Variants in TMED7 observed in about 807,000 individuals in gnomAD.
The protein encoded by TMED7 is transmembrane p24 trafficking protein 7.
In TMED7, 8 loss-of-function variants were observed where a neutral mutation model predicts 23.4. The observed-to-expected ratio is 0.34, with a 90% confidence interval of 0.20 to 0.62. The LOEUF (loss-of-function observed/expected upper bound fraction) is 0.62. Ranked by LOEUF, TMED7 falls within the 20% of genes least tolerant of loss-of-function variation. The probability of loss-of-function intolerance (pLI) is 0.77; values close to 1 mark genes in which losing one functional copy is unlikely to be tolerated. For synonymous variants in TMED7, 121 were observed against 108.5 expected (o/e 1.12, Z -0.72); for missense variants, 232 against 279.1 (o/e 0.83, Z 1.20).
At chr5:115,621,702 C>T (rs1173547925) in intron 1 of TMED7, among the ~76,000 whole-genome samples, 1 of 152,252 alleles carries the variant, frequency 6.6e-6, no homozygotes, top group Middle Eastern at 3.4e-3. Context: ...AAGAGAAAGG[C>T]TTCCTTACAT....
At chr5:115,622,729 G>A (rs1757074005) in intron 1 of TMED7, among the ~76,000 whole-genome samples, 2 of 152,142 alleles carry the variant, frequency 1.3e-5, no homozygotes, top group African/African-American at 2.4e-5. Context: ...CCTGTGGCCT[G>A]CAGACAAATC....
chr5:115,618,414 T>G (rs1277459073), intron 2 of TMED7, among the ~76,000 whole-genome samples: 2 of 152,214 alleles, frequency 1.3e-5, no homozygotes, highest in African/African-American at 4.8e-5. Flanking sequence ...TCAAAGTTGG[T>G]TTTCAAGTAA....
rs1757116487 is a variant in TMED7 at position 115,623,880 on chromosome 5, T to C, written c.192+1721A>G. Among the ~76,000 whole-genome samples the C allele has an allele frequency of 3.9e-5, 6 of 152,354 alleles. No homozygotes were observed. The South Asian group carries it at 8.3e-4, about 21-fold the overall frequency. On this transcript the variant is annotated intron_variant, in intron 1 of 2. Coordinates refer to ENST00000456936, the MANE Select transcript of TMED7 (RefSeq NM_181836.6). ...GCTCTCTGAGATCAAAGTCAGTCTC[T>C]GGGAGGTAGTATAATAAAGTGGTTA... is the stretch of plus-strand genomic sequence containing the variant.
chr5:115,623,223 T>C (rs932051256), intron 1 of TMED7, among the ~76,000 whole-genome samples: 1 of 152,198 alleles, frequency 6.6e-6, no homozygotes, highest in Admixed American at 6.5e-5. Context: ...GCCAGACATA[T>C]ACTCTCTCAG....
In TMED7 at chr5:115,613,413, A is replaced by G. The variant is rs1756547955; in HGVS notation, c.*2796T>C. 6.6e-6 allele frequency: 1 copy of G among 152,164 alleles called. No homozygotes were observed. The highest frequency in any genetic ancestry group is 2.4e-5 in the African/African-American group (1 of 41,450). The allele number at this position is 152,164 out of a possible 1,614,324, so 9.4% of individuals were successfully genotyped here. A position where few individuals can be genotyped will look rare whatever the true frequency, so the allele number is the denominator to read the frequency against. On this transcript the variant is annotated 3_prime_UTR_variant, in exon 3 of 3. Transcript: ENST00000456936. ...ATTTTAATAAAATACCAAATAAATA[A>G]TCACTCTCATTACAGAACTGTACTC... is the stretch of plus-strand genomic sequence containing the variant.
chr5:115,625,547 C>T (rs1268415282), intron 1 of TMED7, 54 bp downstream of exon 1: 3 of 1,460,170 alleles, frequency 2.1e-6, no homozygotes, highest in South Asian at 2.9e-5. Flanking sequence ...TCAAGTTACA[C>T]CCCCAATCCT....
intron 2 of TMED7, chr5:115,619,051 T>C (rs1184337772): frequency 1.3e-5 from 2 of 152,058 alleles, no homozygotes; most frequent in Non-Finnish European, 2.9e-5. Flanking sequence ...AAAATAAGAC[T>C]GAGAAAAATA....
At chr5:115,619,913 A>G (rs1411220837) in intron 2 of TMED7, among the ~76,000 whole-genome samples, 5 of 152,168 alleles carry the variant, frequency 3.3e-5, no homozygotes, top group Non-Finnish European at 7.4e-5. Flanking sequence ...TTTTGTAACT[A>G]TTTTTGTGAG....
At chr5:115,623,144 C>T (rs61268733) in intron 1 of TMED7, among the ~76,000 whole-genome samples, 8,009 of 152,258 alleles carry the variant, frequency 0.053, 649 homozygotes, top group African/African-American at 0.18. Flanking sequence ...CAGCCAAAGG[C>T]TGCCTCACAG....
At chr5:115,621,479 C>A (rs1445836425) in intron 1 of TMED7, among the ~76,000 whole-genome samples, 2 of 152,110 alleles carry the variant, frequency 1.3e-5, no homozygotes, top group East Asian at 3.8e-4. Context: ...GACAACAAGT[C>A]TGTTTATCTA....
rs1371309807 is a variant in TMED7 at position 115,614,647 on chromosome 5, A to ATGT, written c.*1559_*1561dup. 2 of 152,178 alleles carry ATGT rather than the reference A, an allele frequency of 1.3e-5. 1 individual carries two copies. The highest frequency in any genetic ancestry group is 3.8e-4 in the East Asian group (2 of 5,200). 9.4% of individuals were successfully genotyped at this position (152,178 alleles called of 1,614,324 possible). On this transcript the variant is annotated 3_prime_UTR_variant, in exon 3 of 3. Transcript: ENST00000456936. ...CGTAAAAAGTTAAAGGGTTGAAAAC[A>ATGT]TGTTCACCCTTTGCTATACGGTGGC... is the stretch of plus-strand genomic sequence containing the variant.
rs374391342 is a variant in TMED7 at position 115,625,751 on chromosome 5, C to G, written c.42G>C (p.Ala14=). The G allele has an allele frequency of 1.3e-6, 2 of 1,541,898 alleles. No homozygotes were observed. The highest frequency in any genetic ancestry group is 2.8e-5 in the African/African-American group (2 of 70,566). ...CGAGCAGCCTGCACCCCCAACGGCC[C>G]GCGACGGCCGCCCAGCGCTGCGCGG... The part of the protein sequence containing the change: ...PGSAQRWAAV[A]GRWGCRLLAL... Residue 14 remains alanine, a synonymous_variant, in exon 1 of 3, where the codon GCG becomes GCC. Transcript: ENST00000456936.
chr5:115,617,517 C>T (rs1756820770), intron 2 of TMED7, among the ~76,000 whole-genome samples: 1 of 148,896 alleles, frequency 6.7e-6, no homozygotes, highest in Non-Finnish European at 1.5e-5. Context: ...TTGTTCAGGC[C>T]CCTAGGAATG....
chr5:115,622,061 A>G (rs1365039616), intron 1 of TMED7, among the ~76,000 whole-genome samples: 4 of 152,340 alleles, frequency 2.6e-5, no homozygotes, highest in South Asian at 4.1e-4. Flanking sequence ...TGTCTTATCA[A>G]TTGGGGATTT....
chr5:115,618,178 T>C (rs890906733), intron 2 of TMED7, among the ~76,000 whole-genome samples: 1 of 152,214 alleles, frequency 6.6e-6, no homozygotes, highest in African/African-American at 2.4e-5. Context: ...ACCCCCACCA[T>C]GTCAACAAAG....
chr5:115,619,236 G>A (rs1245940614), intron 2 of TMED7: 1 of 152,076 alleles, frequency 6.6e-6, no homozygotes, highest in Non-Finnish European at 1.5e-5. Flanking sequence ...TACAAAGCAA[G>A]GTGTCCTTCA....
chr5:115,626,020 G>T lies in TMED7; in HGVS notation c.-228C>A. 1 of 471,124 alleles carries T rather than the reference G, an allele frequency of 2.1e-6. No individual in the cohort carries two copies. Among genetic ancestry groups the T allele is most frequent in the Non-Finnish European group, 3.4e-6 (1 of 295,666 alleles). 29.2% of individuals were successfully genotyped at this position (471,124 alleles called of 1,614,324 possible). ...AAGAGAAGCGGAAAAGGCCTGAGAG[G>T]GTCGGAAGTGGGGATTAGCCTTTCG... On this transcript the variant is annotated 5_prime_UTR_variant, in exon 1 of 3. Coordinates refer to ENST00000456936, the MANE Select transcript of TMED7 (RefSeq NM_181836.6).
At chr5:115,616,481 C>T (rs1756752848) in intron 2 of TMED7, 36 bp from the exon 3 acceptor site, 1 of 1,612,730 alleles carries the variant, frequency 6.2e-7, no homozygotes, top group Non-Finnish European at 8.5e-7. Flanking sequence ...ATGTGTGATA[C>T]TTTCTGTAGA....
In TMED7 at chr5:115,616,038, TA is replaced by T; in HGVS notation, c.*170del. ...TCCAAAGTTTTTCCACCTTTACAAA[TA>T]AAAAAAGGTGTCCTTTCCACAGTTT... is the stretch of plus-strand genomic sequence containing the variant. On this transcript the variant is annotated 3_prime_UTR_variant, in exon 3 of 3. Coordinates refer to ENST00000456936, the MANE Select transcript of TMED7 (RefSeq NM_181836.6). 7 of 682,812 alleles carry T rather than the reference TA, an allele frequency of 1.0e-5. No homozygotes were observed. Among genetic ancestry groups the T allele is most frequent in the African/African-American group, 1.8e-5 (1 of 55,244 alleles). The allele number at this position is 682,812 out of a possible 1,614,324, so 42.3% of individuals were successfully genotyped here.
Sources: allele counts gnomAD v4.1 joint callset (sites outside exome capture counted in the v4.1 genomes callset), GRCh38; gene constraint gnomAD v4.1.1; transcripts MANE v1.5; gene names NCBI Gene and HGNC (gene_info 2026-07-23, HGNC 2026-07-21).